The following TNRC6A variants were observed in gnomAD, a reference collection of about 807,000 sequenced individuals.
TNRC6A encodes trinucleotide repeat containing adaptor 6A.
Under a neutral mutation model 221.2 loss-of-function variants are expected in TNRC6A, and 44 were observed. That is an observed-to-expected ratio of 0.20 (90% CI 0.16 to 0.26). The LOEUF is 0.26. TNRC6A is among the 10% of genes least tolerant of loss of function. The pLI, the probability that TNRC6A is intolerant of heterozygous loss-of-function variation, is 1.00. For synonymous variants in TNRC6A, 847 were observed against 838.5 expected (o/e 1.01, Z -0.18); for missense variants, 2,199 against 2,404.4 (o/e 0.91, Z 1.79).
At chr16:24,637,438 A>G (rs1335049439) in intron 1 of TNRC6A, among the ~76,000 whole-genome samples, 2 of 152,228 alleles carry the variant, frequency 1.3e-5, no homozygotes, top group Admixed American at 1.3e-4. Flanking sequence ...TTGTTCAAAG[A>G]GTACGAGCAT....
chr16:24,724,054 A>AT (rs763462592), intron 2 of TNRC6A, among the ~76,000 whole-genome samples: 4 of 152,218 alleles, frequency 2.6e-5, no homozygotes, highest in Non-Finnish European at 5.9e-5. Flanking sequence ...TATATCAGAG[A>AT]TGTCAATATG....
chr16:24,614,732 C>G (rs753778477), intron 1 of TNRC6A, among the ~76,000 whole-genome samples: 2 of 152,166 alleles, frequency 1.3e-5, no homozygotes, highest in Non-Finnish European at 2.9e-5. Context: ...AGGCAGGAAG[C>G]CTGGGGCTTA....
chr16:24,668,905 A>G (rs900902689), intron 2 of TNRC6A, among the ~76,000 whole-genome samples: 1 of 152,112 alleles, frequency 6.6e-6, no homozygotes, highest in South Asian at 2.1e-4. Flanking sequence ...AGTGAGCCTG[A>G]GTCTCTGAAA....
intron 3 of TNRC6A, 86 bp from the exon 4 acceptor site, chr16:24,758,253 A>G (rs1003508680): frequency 6.0e-6 from 8 of 1,334,442 alleles, no homozygotes; most frequent in Non-Finnish European, 7.4e-6. Context: ...TATGTCTTAT[A>G]TTAATATATG....
intron 2 of TNRC6A, among the ~76,000 whole-genome samples, chr16:24,745,644 A>G (rs1339001892): frequency 6.6e-6 from 1 of 152,038 alleles, no homozygotes; most frequent in Non-Finnish European, 1.5e-5. Flanking sequence ...AGAGACACCT[A>G]ACCCCTTGTC....
intron 2 of TNRC6A, among the ~76,000 whole-genome samples, chr16:24,716,526 G>A (rs1316300125): frequency 3.9e-5 from 6 of 152,014 alleles, no homozygotes; most frequent in African/African-American, 1.4e-4. Context: ...AAAATTAGCC[G>A]AGCGTGATGG....
At chr16:24,701,604 G>A (rs780963382) in intron 2 of TNRC6A, among the ~76,000 whole-genome samples, 9 of 151,998 alleles carry the variant, frequency 5.9e-5, no homozygotes, top group African/African-American at 2.2e-4. Context: ...GACCTCAGGC[G>A]ATCTGCCCGT....
intron 2 of TNRC6A, chr16:24,665,152 C>T (rs897504973): frequency 1.5e-5 from 5 of 344,672 alleles, no homozygotes; most frequent in Admixed American, 3.4e-5. Context: ...TCACTGCAGC[C>T]TTGAACTCCT....
chr16:24,706,989 G>T (rs12708664), intron 2 of TNRC6A, among the ~76,000 whole-genome samples: 88,714 of 130,116 alleles, frequency 0.68, 28,273 homozygotes, highest in East Asian at 0.86. Context: ...TTTTATTTAT[G>T]TATTTATTTA....
chr16:24,804,722 T>C lies in TNRC6A; in HGVS notation c.3855T>C (p.Asp1285=). ...PYFDKDGIVA[D]ESQNMQFMSS... The stretch of plus-strand genomic sequence containing the variant: ...CCAATCAGGATGGCATTGTAGCAGA[T>C]GAATCCCAAAACATGCAGTTTATGT... Residue 1285 remains aspartate, a synonymous_variant, in exon 13 of 25, where the codon GAT becomes GAC. Coordinates refer to ENST00000395799, the MANE Select transcript of TNRC6A (RefSeq NM_014494.4). The C allele has an allele frequency of 1.3e-6, 2 of 1,595,916 alleles. No individual in the cohort carries two copies. Among genetic ancestry groups the C allele is most frequent in the Non-Finnish European group, 1.7e-6 (2 of 1,175,650 alleles).
intron 7 of TNRC6A, among the ~76,000 whole-genome samples, chr16:24,793,863 A>G (rs1438940717): frequency 6.6e-6 from 1 of 152,148 alleles, no homozygotes; most frequent in Admixed American, 6.5e-5. Context: ...TAGAACTGTA[A>G]CTATTCATTT....
At chr16:24,707,357 C>CACACAA (rs2056116679) in intron 2 of TNRC6A, among the ~76,000 whole-genome samples, 1 of 90,384 alleles carries the variant, frequency 1.1e-5, no homozygotes, top group South Asian at 4.7e-4. Flanking sequence ...GGCGCACACA[C>CACACAA]ACACACACAC....
intron 2 of TNRC6A, among the ~76,000 whole-genome samples, chr16:24,735,351 G>T (rs2056740966): frequency 6.6e-6 from 1 of 152,020 alleles, no homozygotes; most frequent in Non-Finnish European, 1.5e-5. Flanking sequence ...AGCTAAGGTG[G>T]ATCCCACTCA....
chr16:24,632,670 G>A (rs141916283), intron 1 of TNRC6A, among the ~76,000 whole-genome samples: 2 of 151,944 alleles, frequency 1.3e-5, no homozygotes, highest in African/African-American at 2.4e-5. Context: ...CTGATCCCAC[G>A]ATACCCCTAC....
At position 24,645,640 on chromosome 16, in the gene TNRC6A, T is replaced by C. The variant is rs542075704; in HGVS notation, n.402+4631T>C. On this transcript the variant is annotated intron_variant and non_coding_transcript_variant, in intron 2 of 2. Transcript: ENST00000566108. ...CTCTAAAGTTTGTCAATATCAACAA[T>C]ATTCTTCAAATTTTTCTTGTAAGTT... Among the ~76,000 whole-genome samples the C allele has an allele frequency of 1.9e-3, 283 of 151,752 alleles. 1 individual carries two copies. The highest frequency in any genetic ancestry group is 6.6e-3 in the African/African-American group (274 of 41,382).
In TNRC6A at chr16:24,822,162, T is replaced by TA; in HGVS notation, c.5373+16dup. ...TTACACCTCAGGTAAGGATACCAGA[T>TA]ACGCTGGTTTATGTGGCTACGCCAG... is the stretch of plus-strand genomic sequence containing the variant. On this transcript the variant is annotated intron_variant, in intron 23 of 24. Coordinates refer to ENST00000395799, the MANE Select transcript of TNRC6A (RefSeq NM_014494.4). The TA allele has an allele frequency of 4.3e-6, 7 of 1,612,538 alleles. No homozygotes were observed. Among genetic ancestry groups the TA allele is most frequent in the Non-Finnish European group, 5.9e-6 (7 of 1,178,626 alleles).
At chr16:24,806,553 C>T in intron 16 of TNRC6A, 21 bp from the exon 17 acceptor site, 2 of 1,611,840 alleles carry the variant, frequency 1.2e-6, no homozygotes, top group Non-Finnish European at 1.7e-6. Context: ...TAATTTTTTC[C>T]AATCATTTCA....
intron 5 of TNRC6A, among the ~76,000 whole-genome samples, chr16:24,787,712 A>G (rs1427864809): frequency 1.3e-5 from 2 of 152,144 alleles, no homozygotes; most frequent in Non-Finnish European, 2.9e-5. Flanking sequence ...TATTTGATGC[A>G]TTTATATCAT....
chr16:24,628,754 A>G (rs1283635896), intron 1 of TNRC6A, among the ~76,000 whole-genome samples: 1 of 152,190 alleles, frequency 6.6e-6, no homozygotes, highest in Non-Finnish European at 1.5e-5. Context: ...TTAGTAGTTC[A>G]GTTTTTGGGG....
Sources: gnomAD v4.1 joint callset for allele counts (sites outside exome capture counted in the v4.1 genomes callset) on GRCh38, gnomAD v4.1.1 for gene constraint, MANE v1.5 for transcripts, NCBI Gene and HGNC (gene_info 2026-07-23, HGNC 2026-07-21) for gene names.